The following COL4A6 variants were observed in gnomAD, a reference collection of about 807,000 sequenced individuals.
The protein encoded by COL4A6 is collagen alpha-6(IV) chain.
Under a neutral mutation model 126.7 loss-of-function variants are expected in COL4A6, and 59 were observed. The ratio of observed to expected loss-of-function variants is 0.47; its 90% CI spans 0.38 to 0.58. The LOEUF (loss-of-function observed/expected upper bound fraction) is 0.58, where lower values mean the gene tolerates loss of function less well. Among genes scored for constraint, COL4A6 ranks in the 20% least tolerant of loss-of-function variants. The pLI is 0.00. For synonymous variants in COL4A6, 547 were observed against 496.6 expected (o/e 1.10, Z -1.35); for missense variants, 1,285 against 1,337.3 (o/e 0.96, Z 0.61).
At chrX:108,310,701 G>T in intron 3 of COL4A6, 47 bp downstream of exon 3, 1 of 1,067,054 alleles carries the variant, frequency 9.4e-7, no homozygotes, top group Non-Finnish European at 1.3e-6. Context: ...ACAGATAACA[G>T]CTCCCATGCC....
intron 5 of COL4A6, among the ~76,000 whole-genome samples, chrX:108,216,605 T>C (rs62601414): frequency 0.12 from 13,965 of 112,277 alleles, 963 homozygotes; most frequent in Non-Finnish European, 0.19. Flanking sequence ...TCTGGCACAT[T>C]GCCCTTCATT....
At chrX:108,394,350 A>G (rs375153812) in intron 2 of COL4A6, among the ~76,000 whole-genome samples, 1 of 110,325 alleles carries the variant, frequency 9.1e-6, no homozygotes, top group African/African-American at 3.3e-5. Flanking sequence ...GGTGCAGCAA[A>G]CCACCATGGC....
chrX:108,293,564 C>T (rs2038233803), intron 3 of COL4A6, among the ~76,000 whole-genome samples: 1 of 110,605 alleles, frequency 9.0e-6, no homozygotes, highest in Non-Finnish European at 1.9e-5. Flanking sequence ...CTAAAATAGC[C>T]CATGGGTTAT....
intron 3 of COL4A6, among the ~76,000 whole-genome samples, chrX:108,271,799 G>A (rs1166892445): frequency 1.8e-5 from 2 of 112,078 alleles, no homozygotes; most frequent in Non-Finnish European, 3.8e-5. Context: ...CTTTTACAGT[G>A]AGGGAGAAAG....
At chrX:108,255,103 A>G (rs1364673743) in intron 3 of COL4A6, among the ~76,000 whole-genome samples, 1 of 101,154 alleles carries the variant, frequency 9.9e-6, no homozygotes, top group Non-Finnish European at 2.0e-5. Context: ...AGAAGGCTCT[A>G]CCCATCTTGA....
Position 108,330,698 on chromosome X carries a change from T to A in COL4A6, c.64-19870A>T, listed in dbSNP as rs565614350. Among the ~76,000 whole-genome samples, 3 of 110,974 alleles carry A rather than the reference T, an allele frequency of 2.7e-5. No homozygotes were observed. The South Asian group carries it at 1.2e-3, about 43-fold the overall frequency. Reference sequence around the variant, plus strand: ...GATACAGGTGGTCTCAGCAGGAGCATCTGTGTGCCCGTTTTCACTCCACAG... The same window carrying A: ...GATACAGGTGGTCTCAGCAGGAGCAACTGTGTGCCCGTTTTCACTCCACAG... On this transcript the variant is annotated intron_variant, in intron 2 of 44. Transcript: ENST00000334504.
At chrX:108,393,710 T>A (rs2040889038) in intron 2 of COL4A6, among the ~76,000 whole-genome samples, 1 of 112,320 alleles carries the variant, frequency 8.9e-6, no homozygotes, top group Non-Finnish European at 1.9e-5. Flanking sequence ...AATTATTAGG[T>A]TGGTGCAAAA....
At position 108,207,445 on chromosome X, in the gene COL4A6, T is replaced by C. The variant is rs1178692231; in HGVS notation, c.547-865A>G. ...CACCATGGCACACGTTGTTTACCTA[T>C]GTAACAAACCTACACGTCCTGTGCA... On this transcript the variant is annotated intron_variant, in intron 8 of 44. Transcript: ENST00000334504. Among the ~76,000 whole-genome samples the C allele has an allele frequency of 1.8e-5, 2 of 111,216 alleles. 1 individual carries two copies. Among genetic ancestry groups the C allele is most frequent in the Middle Eastern group, 8.4e-3 (2 of 238 alleles).
Position 108,180,467 on chromosome X carries a change from AC to A in COL4A6, c.2131+47del, listed in dbSNP as rs779938041. Reference sequence around the variant, plus strand: ...AATACACACACACACACACACACACACACATACACACAAAGAGAAGCAGGTG... The same window carrying A: ...AATACACACACACACACACACACACAACATACACACAAAGAGAAGCAGGTG... On this transcript the variant is annotated intron_variant, in intron 25 of 44. Transcript: ENST00000334504. 3.9e-6 allele frequency: 4 copies of A among 1,030,032 alleles called. No individual in the cohort carries two copies. The Admixed American group carries it at 9.5e-5, about 25-fold the overall frequency. 84.9% of individuals were successfully genotyped at this position (1,030,032 alleles called of 1,213,427 possible).
At chrX:108,432,871 TA>T (rs759600742) in intron 2 of COL4A6, among the ~76,000 whole-genome samples, 3 of 108,055 alleles carry the variant, frequency 2.8e-5, no homozygotes, top group African/African-American at 1.0e-4. Context: ...AAAACAAAAT[TA>T]AAAAAAAACA....
chrX:108,315,424 G>A (rs1049663011), intron 2 of COL4A6, among the ~76,000 whole-genome samples: 2 of 111,703 alleles, frequency 1.8e-5, no homozygotes, highest in Admixed American at 9.5e-5. Flanking sequence ...ATTTTTAGTA[G>A]AGATGGGGTT....
chrX:108,229,644 T>C (rs1373876408), intron 3 of COL4A6, among the ~76,000 whole-genome samples: 1 of 112,696 alleles, frequency 8.9e-6, no homozygotes, highest in Admixed American at 9.4e-5. Context: ...GCAATAAAAG[T>C]TATTTGTTGT....
chrX:108,383,001 T>TAATAAA (rs1556300855), intron 2 of COL4A6, among the ~76,000 whole-genome samples: 1 of 103,950 alleles, frequency 9.6e-6, no homozygotes, highest in African/African-American at 3.5e-5. Context: ...ATAATAATAA[T>TAATAAA]AAACCCTTTT....
rs1603152485 is a variant in COL4A6, at chrX:108,356,960, C to T, written c.64-46132G>A. Among the ~76,000 whole-genome samples the T allele has an allele frequency of 1.8e-5, 2 of 110,592 alleles. 1 individual carries two copies. The highest frequency in any genetic ancestry group is 7.5e-4 in the South Asian group (2 of 2,658). On this transcript the variant is annotated intron_variant, in intron 2 of 44. Transcript: ENST00000334504. Reference sequence around the variant, plus strand: ...TTAATTCATCATCCTCATGATACAACAACAAAGAGTAGAAAACTCTATTCC... The same window carrying T: ...TTAATTCATCATCCTCATGATACAATAACAAAGAGTAGAAAACTCTATTCC...
chrX:108,367,983 A>G (rs966242450), intron 2 of COL4A6, among the ~76,000 whole-genome samples: 37 of 110,146 alleles, frequency 3.4e-4, no homozygotes, highest in African/African-American at 1.2e-3. Flanking sequence ...TTAAAATTTA[A>G]TATGTATCTA....
At chrX:108,365,362 A>G (rs1325293838) in intron 2 of COL4A6, among the ~76,000 whole-genome samples, 1 of 112,139 alleles carries the variant, frequency 8.9e-6, no homozygotes, top group African/African-American at 3.2e-5. Flanking sequence ...GAAAGGAAGG[A>G]AGCAATGAAA....
At chrX:108,188,168 T>A in intron 21 of COL4A6, 141 bp from the exon 22 acceptor site, 1 of 456,704 alleles carries the variant, frequency 2.2e-6, no homozygotes, top group Non-Finnish European at 3.4e-6. Flanking sequence ...TAATCTTGAA[T>A]AATAGTTGCC....
At chrX:108,358,615 G>A (rs1280860824) in intron 2 of COL4A6, among the ~76,000 whole-genome samples, 1 of 110,822 alleles carries the variant, frequency 9.0e-6, no homozygotes, top group African/African-American at 3.3e-5. Flanking sequence ...GGCTGGTCTC[G>A]AACTCCTGAA....
At chrX:108,269,341 A>G (rs1221946701) in intron 3 of COL4A6, among the ~76,000 whole-genome samples, 1 of 111,690 alleles carries the variant, frequency 9.0e-6, no homozygotes, top group Admixed American at 9.5e-5. Flanking sequence ...TTCTACCTGT[A>G]GGATGCTGGA....
Sources: gnomAD v4.1 joint callset for allele counts (sites outside exome capture counted in the v4.1 genomes callset) on GRCh38, gnomAD v4.1.1 for gene constraint, MANE v1.5 for transcripts, NCBI Gene and HGNC (gene_info 2026-07-23, HGNC 2026-07-21) for gene names.